LRRTM4: variants seen among roughly 807,000 people sequenced by gnomAD.
LRRTM4 encodes the protein leucine-rich repeat transmembrane neuronal protein 4.
In LRRTM4, 25 loss-of-function variants were observed where a neutral mutation model predicts 47.6. The ratio of observed to expected loss-of-function variants is 0.53; its 90% CI spans 0.38 to 0.73. The LOEUF (loss-of-function observed/expected upper bound fraction) is 0.73. Ranked by LOEUF, LRRTM4 falls within the 30% of genes least tolerant of loss-of-function variation. LRRTM4 has a pLI of 0.00. For missense variants in LRRTM4, 638 were observed against 713.4 expected, an observed-to-expected ratio of 0.89 and a Z score of 1.20; for synonymous variants, 311 against 269.5, an observed-to-expected ratio of 1.15 and a Z score of -1.51.
At chr2:77,048,291 T>C (rs554051898) in intron 3 of LRRTM4, among the ~76,000 whole-genome samples, 11 of 152,124 alleles carry the variant, frequency 7.2e-5, no homozygotes, top group Middle Eastern at 6.8e-3. Flanking sequence ...GCGTGAGAAA[T>C]TGTTTTTATG....
intron 3 of LRRTM4, among the ~76,000 whole-genome samples, chr2:76,749,243 A>T (rs573027811): frequency 5.3e-5 from 8 of 152,164 alleles, no homozygotes; most frequent in Non-Finnish European, 1.0e-4. Flanking sequence ...TAGATCCTAC[A>T]TTTGAATGTA....
intron 3 of LRRTM4, among the ~76,000 whole-genome samples, chr2:77,467,070 A>T (rs1269801276): frequency 2.6e-5 from 4 of 152,178 alleles, no homozygotes; most frequent in African/African-American, 9.7e-5. Flanking sequence ...ACTAAATTTC[A>T]CATGCTAACT....
intron 3 of LRRTM4, among the ~76,000 whole-genome samples, chr2:76,883,201 A>G (rs1573252831): frequency 2.0e-5 from 3 of 152,024 alleles, no homozygotes; most frequent in Admixed American, 1.3e-4. Context: ...GGAGCTTTCT[A>G]CCAGTCTCTT....
intron 3 of LRRTM4, among the ~76,000 whole-genome samples, chr2:76,807,918 C>T (rs928923927): frequency 2.1e-4 from 25 of 116,536 alleles, no homozygotes; most frequent in Middle Eastern, 5.0e-3. Context: ...TCTTTTCTTT[C>T]CTTTCTTTCC....
chr2:77,016,517 C>T (rs961239190), intron 3 of LRRTM4, among the ~76,000 whole-genome samples: 13 of 152,054 alleles, frequency 8.5e-5, no homozygotes, highest in African/African-American at 2.9e-4. Flanking sequence ...GGTCTGTAAG[C>T]CTATAATGTA....
intron 3 of LRRTM4, among the ~76,000 whole-genome samples, chr2:77,189,790 T>C (rs1358211317): frequency 6.6e-6 from 1 of 152,092 alleles, no homozygotes; most frequent in African/African-American, 2.4e-5. Flanking sequence ...CACACATTTA[T>C]ATATACACAC....
intron 3 of LRRTM4, among the ~76,000 whole-genome samples, chr2:77,135,251 C>G (rs1322888607): frequency 1.3e-5 from 2 of 152,166 alleles, no homozygotes; most frequent in Non-Finnish European, 2.9e-5. Context: ...CCAGAGGGTT[C>G]TCTGCATGCG....
chr2:77,182,877 C>T (rs1673389115), intron 3 of LRRTM4, among the ~76,000 whole-genome samples: 1 of 152,028 alleles, frequency 6.6e-6, no homozygotes, highest in East Asian at 1.9e-4. Flanking sequence ...AACTGGCTAG[C>T]CATATGTAGA....
At chr2:76,893,531 T>C (rs189422823) in intron 3 of LRRTM4, among the ~76,000 whole-genome samples, 1 of 151,976 alleles carries the variant, frequency 6.6e-6, no homozygotes, top group East Asian at 1.9e-4. Flanking sequence ...CAGATAGTTC[T>C]ACCTGAAAGG....
chr2:77,454,775 G>A (rs1676457717), intron 3 of LRRTM4, among the ~76,000 whole-genome samples: 1 of 152,176 alleles, frequency 6.6e-6, no homozygotes. Context: ...TGTATCATCA[G>A]CATGTAGGTA....
chr2:77,331,723 T>TG (rs1284217522), intron 3 of LRRTM4, among the ~76,000 whole-genome samples: 1 of 114,900 alleles, frequency 8.7e-6, no homozygotes, highest in African/African-American at 4.5e-5. Flanking sequence ...AGGTTCTAGA[T>TG]TTTTCCATCC....
chr2:77,469,387 A>G (rs1442676402), intron 3 of LRRTM4, among the ~76,000 whole-genome samples: 1 of 137,034 alleles, frequency 7.3e-6, no homozygotes, highest in Non-Finnish European at 1.6e-5. Context: ...GGGGGCAGGA[A>G]AAAAATCCTA....
intron 3 of LRRTM4, among the ~76,000 whole-genome samples, chr2:77,156,991 C>T (rs1361855217): frequency 6.6e-6 from 1 of 151,712 alleles, no homozygotes; most frequent in Admixed American, 6.6e-5. Flanking sequence ...TTCAACTAAC[C>T]TTTAATATTT....
At chr2:76,797,823 C>A (rs2103752762) in intron 3 of LRRTM4, among the ~76,000 whole-genome samples, 1 of 151,434 alleles carries the variant, frequency 6.6e-6, no homozygotes, top group South Asian at 2.1e-4. Flanking sequence ...ATCCTAGTCT[C>A]TGATAAAACA....
At chr2:77,510,653 C>T (rs1678948844) in intron 3 of LRRTM4, among the ~76,000 whole-genome samples, 1 of 151,920 alleles carries the variant, frequency 6.6e-6, no homozygotes, top group African/African-American at 2.4e-5. Flanking sequence ...CAAATCATAA[C>T]TCTATATATT....
chr2:77,337,117 A>T (rs1910846), intron 3 of LRRTM4, among the ~76,000 whole-genome samples: 1 of 151,892 alleles, frequency 6.6e-6, no homozygotes, highest in Admixed American at 6.6e-5. Flanking sequence ...AATTACATTT[A>T]CAACAGACAC....
chr2:77,035,805 AT>A (rs1017411259), intron 3 of LRRTM4, among the ~76,000 whole-genome samples: 1 of 151,734 alleles, frequency 6.6e-6, no homozygotes, highest in African/African-American at 2.4e-5. Flanking sequence ...GTTGATTTTC[AT>A]TTTTTAAAAT....
intron 3 of LRRTM4, among the ~76,000 whole-genome samples, chr2:76,840,904 A>G (rs1407153324): frequency 6.6e-6 from 1 of 151,818 alleles, no homozygotes; most frequent in East Asian, 2.0e-4. Context: ...ATACCATTTG[A>G]CCCAGCCATC....
At chr2:77,494,896 T>C (rs1573492193) in intron 3 of LRRTM4, among the ~76,000 whole-genome samples, 1 of 152,234 alleles carries the variant, frequency 6.6e-6, no homozygotes, top group East Asian at 1.9e-4. Flanking sequence ...CATGGAATCA[T>C]ACAGAAAATA....
Sources: gnomAD v4.1 joint callset for allele counts (sites outside exome capture counted in the v4.1 genomes callset) on GRCh38, gnomAD v4.1.1 for gene constraint, MANE v1.5 for transcripts, NCBI Gene and HGNC (gene_info 2026-07-23, HGNC 2026-07-21) for gene names.